The following CATSPERQ variants were observed in gnomAD, a reference collection of about 807,000 sequenced individuals.
CATSPERQ encodes the protein catsper channel auxiliary subunit theta.
the CATSPERQ span, chr8:144,354,024 G>A: frequency 3.3e-6 from 5 of 1,535,496 alleles, no homozygotes; most frequent in Non-Finnish European, 3.5e-6. This position sits in a 1 kb window ranked among gnomAD's most constrained non-coding sequence, Gnocchi z 4.6. Context: ...GGCCCTGGAT[G>A]GAGAAGTGGT....
the CATSPERQ span, chr8:144,354,349 C>T: frequency 6.5e-7 from 1 of 1,531,208 alleles, no homozygotes; most frequent in Non-Finnish European, 8.7e-7. This position sits in a 1 kb window ranked among gnomAD's most constrained non-coding sequence, Gnocchi z 4.6. Context: ...TGGCGCGGCG[C>T]GTGAGGACGC....
At chr8:144,353,707 C>T in the CATSPERQ span, 2 of 1,519,734 alleles carry the variant, frequency 1.3e-6, no homozygotes, top group South Asian at 1.2e-5. Flanking sequence ...GAAACGGCCC[C>T]ACCCAAAGAC....
the CATSPERQ span, chr8:144,353,784 G>C: frequency 6.5e-7 from 1 of 1,535,508 alleles, no homozygotes; most frequent in Non-Finnish European, 8.7e-7. Flanking sequence ...CCACCTCGTA[G>C]TGCTCCGACA....
chr8:144,354,691 G>A, the CATSPERQ span: 1 of 1,535,632 alleles, frequency 6.5e-7, no homozygotes, highest in Non-Finnish European at 8.7e-7. The surrounding 1 kb of genome is among the most constrained non-coding windows in gnomAD (Gnocchi z 4.6). Flanking sequence ...CTCCGGGCAG[G>A]TGAGTCCTAG....
the CATSPERQ span, chr8:144,354,558 T>TGCCCCCCCCCCCCCC: frequency 2.0e-6 from 1 of 504,394 alleles, no homozygotes; most frequent in East Asian, 5.3e-5. This position sits in a 1 kb window ranked among gnomAD's most constrained non-coding sequence, Gnocchi z 4.6. Flanking sequence ...GTCTCCCTCC[T>TGCCCCCCCCCCCCCC]CCCCCGCCCC....
the CATSPERQ span, chr8:144,354,523 T>C: frequency 6.9e-7 from 1 of 1,441,752 alleles, no homozygotes; most frequent in Non-Finnish European, 9.2e-7. This position sits in a 1 kb window ranked among gnomAD's most constrained non-coding sequence, Gnocchi z 4.6. Context: ...CCCACCTGGC[T>C]CCGCCCCATT....
At chr8:144,354,480 C>G in the CATSPERQ span, 1 of 1,326,986 alleles carries the variant, frequency 7.5e-7, no homozygotes, top group Admixed American at 3.2e-5. The surrounding 1 kb of genome is among the most constrained non-coding windows in gnomAD (Gnocchi z 4.6). Flanking sequence ...GGAGCACCGG[C>G]CGGCCCCACC....
At chr8:144,353,731 C>G in the CATSPERQ span, 2 of 1,529,856 alleles carry the variant, frequency 1.3e-6, no homozygotes, top group South Asian at 2.4e-5. Context: ...AAACAGTGAT[C>G]GGTGTCATCG....
the CATSPERQ span, chr8:144,353,292 A>C: frequency 1.6e-5 from 24 of 1,468,446 alleles, no homozygotes; most frequent in Non-Finnish European, 2.2e-5. Flanking sequence ...TCTGCCCCAG[A>C]GTGGGGCTGG....
At chr8:144,354,339 T>A in the CATSPERQ span, 685,503 of 1,531,858 alleles carry the variant, frequency 0.45, 157,228 homozygotes, top group East Asian at 0.69. This position sits in a 1 kb window ranked among gnomAD's most constrained non-coding sequence, Gnocchi z 4.6. Context: ...AGACTGGGGG[T>A]GGCGCGGCGC....
the CATSPERQ span, chr8:144,354,793 T>TG: frequency 6.6e-7 from 1 of 1,526,030 alleles, no homozygotes; most frequent in Non-Finnish European, 8.8e-7. The surrounding 1 kb of genome is among the most constrained non-coding windows in gnomAD (Gnocchi z 4.6). Flanking sequence ...GTGGTCAGCC[T>TG]GGCCGCTCGT....
At chr8:144,353,770 G>T in the CATSPERQ span, 1 of 1,535,374 alleles carries the variant, frequency 6.5e-7, no homozygotes, top group Admixed American at 2.0e-5. Context: ...TGTCTGGGCG[G>T]GACCCACCTC....
the CATSPERQ span, chr8:144,353,441 A>G: frequency 3.9e-6 from 6 of 1,535,818 alleles, no homozygotes; most frequent in African/African-American, 1.4e-5. Context: ...GCCAGTGGCG[A>G]ACCACGTGCC....
the CATSPERQ span, chr8:144,354,123 G>T: frequency 2.6e-6 from 4 of 1,534,922 alleles, no homozygotes; most frequent in African/African-American, 2.7e-5. The surrounding 1 kb of genome is among the most constrained non-coding windows in gnomAD (Gnocchi z 4.6). Flanking sequence ...CGTACACGAG[G>T]AAGACCCAGG....
At chr8:144,354,791 C>T in the CATSPERQ span, 1 of 1,526,388 alleles carries the variant, frequency 6.6e-7, no homozygotes, top group Non-Finnish European at 8.8e-7. This position sits in a 1 kb window ranked among gnomAD's most constrained non-coding sequence, Gnocchi z 4.6. Context: ...AGGTGGTCAG[C>T]CTGGCCGCTC....
the CATSPERQ span, chr8:144,353,626 G>A: frequency 1.4e-6 from 2 of 1,456,174 alleles, no homozygotes; most frequent in African/African-American, 2.8e-5. Flanking sequence ...CCCCCGTCCT[G>A]CCCGAAGCCC....
chr8:144,354,884 CAGG>C, the CATSPERQ span: 1 of 1,425,232 alleles, frequency 7.0e-7, no homozygotes, highest in Non-Finnish European at 9.2e-7. This position sits in a 1 kb window ranked among gnomAD's most constrained non-coding sequence, Gnocchi z 4.6. Context: ...CAGGAAGGAG[CAGG>C]AGCTCACAGG....
chr8:144,354,780 G>A, the CATSPERQ span: 13 of 1,531,396 alleles, frequency 8.5e-6, no homozygotes, highest in Non-Finnish European at 1.1e-5. The surrounding 1 kb of genome is among the most constrained non-coding windows in gnomAD (Gnocchi z 4.6). Flanking sequence ...GAGTCAGGCA[G>A]AGGTGGTCAG....
chr8:144,353,672 G>C, the CATSPERQ span: 3 of 1,473,186 alleles, frequency 2.0e-6, no homozygotes, highest in Non-Finnish European at 2.7e-6. Flanking sequence ...ACCGAAGACC[G>C]TGTTGTATTT....
Sources: allele counts gnomAD v4.1 joint callset, GRCh38; gene constraint gnomAD v4.1.1; non-coding constraint Gnocchi (gnomAD v3.1); transcripts MANE v1.5; gene names NCBI Gene and HGNC (gene_info 2026-07-23, HGNC 2026-07-21).